Variants in PDZRN3 observed in about 807,000 individuals in gnomAD.
PDZRN3 encodes PDZ domain containing ring finger 3.
Under a neutral mutation model 85.7 loss-of-function variants are expected in PDZRN3, and 38 were observed. The observed-to-expected ratio is 0.44, with a 90% confidence interval of 0.34 to 0.58. The LOEUF is 0.58. Ranked by LOEUF, PDZRN3 falls within the 20% of genes least tolerant of loss-of-function variation. PDZRN3 has a pLI of 0.01. For synonymous variants in PDZRN3, 759 were observed against 638.0 expected (o/e 1.19, Z -2.86); for missense variants, 1,629 against 1,506.4 (o/e 1.08, Z -1.35).
At chr3:73,539,690 C>G (rs1704869684) in intron 3 of PDZRN3, among the ~76,000 whole-genome samples, 1 of 152,032 alleles carries the variant, frequency 6.6e-6, no homozygotes, top group African/African-American at 2.4e-5. Context: ...CGCATGAGAC[C>G]AGCAGAAAAT....
chr3:73,466,433 G>A (rs1703215875), intron 3 of PDZRN3, among the ~76,000 whole-genome samples: 2 of 152,224 alleles, frequency 1.3e-5, no homozygotes, highest in Middle Eastern at 3.4e-3. Flanking sequence ...CGGTGGCTGT[G>A]TCTCCAAGAG....
At chr3:73,472,177 T>G (rs902650208) in intron 3 of PDZRN3, among the ~76,000 whole-genome samples, 21 of 152,224 alleles carry the variant, frequency 1.4e-4, no homozygotes, top group African/African-American at 4.6e-4. Context: ...GTTATCTAAT[T>G]ATTTCAATTC....
chr3:73,412,198 G>A (rs967329264), intron 3 of PDZRN3, among the ~76,000 whole-genome samples: 2 of 152,192 alleles, frequency 1.3e-5, no homozygotes, highest in Non-Finnish European at 2.9e-5. Flanking sequence ...AGGAAGGTGT[G>A]GTTAGGTTTT....
At chr3:73,446,215 T>C (rs994819167) in intron 3 of PDZRN3, among the ~76,000 whole-genome samples, 2 of 152,326 alleles carry the variant, frequency 1.3e-5, no homozygotes, top group South Asian at 4.1e-4. Flanking sequence ...CACCTTCTCT[T>C]TGAGTCCATC....
chr3:73,532,018 T>C (rs1014993221), intron 3 of PDZRN3, among the ~76,000 whole-genome samples: 15 of 152,208 alleles, frequency 9.9e-5, no homozygotes, highest in African/African-American at 3.4e-4. Context: ...AACTTTTTTT[T>C]TGAGACGGAG....
rs774894212 is a variant in PDZRN3, at chr3:73,384,385, G to C, written c.2181C>G (p.Arg727=). ...GCACGTCGATGCTGGTGTTGTAGTT[G>C]CGGAAGCCGCTGTTGTGCAGCATCC... is the stretch of plus-strand genomic sequence containing the variant. ...ESWMLHNSGF[R]NYNTSIDVRR... The change falls in exon 10 of 10, where the codon CGC becomes CGG. Residue 727 remains arginine (R), a synonymous_variant. Coordinates refer to ENST00000263666, the MANE Select transcript of PDZRN3 (RefSeq NM_015009.3). 5.6e-6 allele frequency: 9 copies of C among 1,609,148 alleles called. 1 individual carries two copies. The highest frequency in any genetic ancestry group is 7.6e-6 in the Non-Finnish European group (9 of 1,179,940).
At chr3:73,470,729 A>C (rs1182082993) in intron 3 of PDZRN3, among the ~76,000 whole-genome samples, 1 of 152,202 alleles carries the variant, frequency 6.6e-6, no homozygotes, top group African/African-American at 2.4e-5. Context: ...AGCTGAAGCC[A>C]CTTGAAATGG....
In PDZRN3 at chr3:73,624,353, C is replaced by G. The variant is rs1434713119; in HGVS notation, c.473G>C (p.Gly158Ala). Residue 158 changes from glycine (G) to alanine (A), a missense_variant, in exon 1 of 10, where the codon GGC becomes GCC. Gly to Ala is a moderately conservative substitution (Grantham distance 60). Coordinates refer to ENST00000263666, the MANE Select transcript of PDZRN3 (RefSeq NM_015009.3). ...LPLTHGEQRA[G>A]GHCCARALRA... ...CAGCGCTCGCGCGCAGCAGTGGCCG[C>G]CCGCGCGCTGCTCGCCGTGCGTCAA... 2.3e-6 allele frequency: 3 copies of G among 1,301,808 alleles called. No individual in the cohort carries two copies. The highest frequency in any genetic ancestry group is 2.9e-6 in the Non-Finnish European group (3 of 1,032,198). 80.6% of individuals were successfully genotyped at this position (1,301,808 alleles called of 1,614,324 possible). A position where few individuals can be genotyped will look rare whatever the true frequency, so the allele number is the denominator to read the frequency against.
chr3:73,603,992 C>A (rs575389473), intron 2 of PDZRN3, among the ~76,000 whole-genome samples: 3 of 152,032 alleles, frequency 2.0e-5, no homozygotes. Flanking sequence ...GACATTTATC[C>A]CCACATGACA....
rs191473351 is a variant in PDZRN3, at chr3:73,454,859, G to A, written c.919-50464C>T. Among the ~76,000 whole-genome samples the A allele has an allele frequency of 6.1e-4, 93 of 151,830 alleles. 1 individual carries two copies. Among genetic ancestry groups the A allele is most frequent in the Non-Finnish European group, 1.9e-4 (13 of 67,954 alleles). On this transcript the variant is annotated intron_variant, in intron 3 of 9. Coordinates refer to ENST00000263666, the MANE Select transcript of PDZRN3 (RefSeq NM_015009.3). ...ATATATACTCAAATATCATCTCTAT[G>A]TATTAGGATTTTACCCATTTTAAAG... is the stretch of plus-strand genomic sequence containing the variant.
intron 3 of PDZRN3, among the ~76,000 whole-genome samples, chr3:73,516,620 A>G (rs1433353165): frequency 1.3e-5 from 2 of 152,218 alleles, no homozygotes; most frequent in Non-Finnish European, 2.9e-5. Flanking sequence ...AAATTTTTAT[A>G]TAGTCAAATG....
intron 3 of PDZRN3, among the ~76,000 whole-genome samples, chr3:73,554,288 T>G (rs1181351217): frequency 6.6e-6 from 1 of 151,830 alleles, no homozygotes; most frequent in African/African-American, 2.4e-5. Context: ...TGCGCCTCAT[T>G]TTACTCAAAT....
At chr3:73,443,498 T>TTTTTG (rs57581231) in intron 3 of PDZRN3, among the ~76,000 whole-genome samples, 527 of 128,392 alleles carry the variant, frequency 4.1e-3, no homozygotes, top group African/African-American at 0.02. Flanking sequence ...TTTTTTTTTT[T>TTTTTG]GGGGGGGGGA....
chr3:73,587,705 A>G (rs1702297437), intron 3 of PDZRN3, among the ~76,000 whole-genome samples: 1 of 152,124 alleles, frequency 6.6e-6, no homozygotes, highest in Non-Finnish European at 1.5e-5. Flanking sequence ...CAGGCACATG[A>G]AAAGTTTAGC....
At chr3:73,496,918 T>C (rs74730312) in intron 3 of PDZRN3, among the ~76,000 whole-genome samples, 3,803 of 152,256 alleles carry the variant, frequency 0.025, 166 homozygotes, top group African/African-American at 0.087. Flanking sequence ...GTATTTGGCC[T>C]TGTCTTCAGC....
intron 3 of PDZRN3, among the ~76,000 whole-genome samples, chr3:73,563,013 A>ATATATATATATATATATATT (rs1187151191): frequency 2.3e-5 from 1 of 43,760 alleles, no homozygotes; most frequent in Non-Finnish European, 3.7e-5. Flanking sequence ...ATATATATAT[A>ATATATATATATATATATATT]TTTTTTTTTT....
At chr3:73,565,681 T>C (rs924891632) in intron 3 of PDZRN3, among the ~76,000 whole-genome samples, 1 of 152,028 alleles carries the variant, frequency 6.6e-6, no homozygotes, top group African/African-American at 2.4e-5. Flanking sequence ...CTCACGCCTG[T>C]AATCCCAGCA....
At chr3:73,402,256 A>G (rs1364828624) in intron 4 of PDZRN3, among the ~76,000 whole-genome samples, 1 of 152,242 alleles carries the variant, frequency 6.6e-6, no homozygotes, top group Non-Finnish European at 1.5e-5. Flanking sequence ...CATCACTGTG[A>G]CAGGTCAACA....
At chr3:73,585,386 A>G (rs1465809233) in intron 3 of PDZRN3, among the ~76,000 whole-genome samples, 1 of 152,214 alleles carries the variant, frequency 6.6e-6, no homozygotes, top group Admixed American at 6.5e-5. Flanking sequence ...ACAAATGAAC[A>G]TTTTGGCAGA....
Sources: allele counts gnomAD v4.1 joint callset (sites outside exome capture counted in the v4.1 genomes callset), GRCh38; gene constraint gnomAD v4.1.1; transcripts MANE v1.5; gene names NCBI Gene and HGNC (gene_info 2026-07-23, HGNC 2026-07-21).